TBC1D22A: variants seen among roughly 807,000 people sequenced by gnomAD.
The protein encoded by TBC1D22A is putative GTPase activator.
TBC1D22A carries 38 observed loss-of-function variants against 60.2 expected under a neutral mutation model. The observed-to-expected ratio is 0.63, with a 90% CI of 0.49 to 0.83. The LOEUF is 0.83. TBC1D22A is among the 40% of genes least tolerant of loss of function. TBC1D22A has a pLI of 0.00. For synonymous variants in TBC1D22A, 302 were observed against 281.7 expected, an observed-to-expected ratio of 1.07 and a Z score of -0.72; for missense variants, 628 against 701.0, an observed-to-expected ratio of 0.90 and a Z score of 1.18.
At position 46,913,824 on chromosome 22, in the gene TBC1D22A, C is replaced by T. The variant is rs527930093; in HGVS notation, c.1015+1636C>T. 4.4e-5 allele frequency: 41 copies of T among 934,190 alleles called. No homozygotes were observed. In the South Asian group the frequency reaches 6.9e-4, roughly 16 times the overall value. The allele number at this position is 934,190 out of a possible 1,614,324, so 57.9% of individuals were successfully genotyped here. A position where few individuals can be genotyped will look rare whatever the true frequency, so the allele number is the denominator to read the frequency against. On this transcript the variant is annotated intron_variant, in intron 8 of 12. Transcript: ENST00000337137. ...GCCAACTTCTGTTGTAAGACCTAAG[C>T]GATTCTTAATGCATTTGCCTGATTA... is the stretch of plus-strand genomic sequence containing the variant.
At chr22:46,876,760 T>C (rs918630720) in intron 4 of TBC1D22A, among the ~76,000 whole-genome samples, 2 of 152,216 alleles carry the variant, frequency 1.3e-5, no homozygotes, top group African/African-American at 4.8e-5. Context: ...GGGCTCCAAC[T>C]AGGCCCACCT....
chr22:46,968,426 C>T (rs80037902), intron 8 of TBC1D22A, among the ~76,000 whole-genome samples: 5 of 152,212 alleles, frequency 3.3e-5, no homozygotes, highest in African/African-American at 1.2e-4. Flanking sequence ...GACGTGTGCG[C>T]CCCCACGCAG....
intron 3 of TBC1D22A, among the ~76,000 whole-genome samples, chr22:46,794,418 A>G (rs975961521): frequency 2.6e-5 from 4 of 152,198 alleles, no homozygotes; most frequent in Non-Finnish European, 5.9e-5. Flanking sequence ...TGCCATGTGC[A>G]TGGCACTGGT....
intron 10 of TBC1D22A, among the ~76,000 whole-genome samples, chr22:47,013,504 C>G (rs935832737): frequency 6.6e-6 from 1 of 152,142 alleles, no homozygotes; most frequent in Non-Finnish European, 1.5e-5. Flanking sequence ...TGAAGTGATT[C>G]CCAAAGTCGT....
At chr22:46,982,319 G>A (rs1410597789) in intron 9 of TBC1D22A, among the ~76,000 whole-genome samples, 1 of 151,838 alleles carries the variant, frequency 6.6e-6, no homozygotes, top group Non-Finnish European at 1.5e-5. Context: ...TGCCTCCCGG[G>A]TTCAAGCAAT....
intron 4 of TBC1D22A, among the ~76,000 whole-genome samples, chr22:46,872,302 T>A (rs1381310121): frequency 3.9e-5 from 6 of 152,082 alleles, no homozygotes; most frequent in African/African-American, 1.2e-4. Flanking sequence ...AGTAAACACT[T>A]CTCATTTTTT....
intron 8 of TBC1D22A, chr22:46,913,447 G>C: frequency 7.4e-7 from 1 of 1,360,322 alleles, no homozygotes; most frequent in Non-Finnish European, 9.8e-7. Context: ...ACATATCCAA[G>C]TAGTGAATTT....
intron 8 of TBC1D22A, among the ~76,000 whole-genome samples, chr22:46,929,280 G>A (rs556086391): frequency 1.3e-5 from 2 of 152,284 alleles, no homozygotes; most frequent in South Asian, 4.1e-4. Context: ...GTCTTGTGAT[G>A]CATTCTTAGA....
intron 8 of TBC1D22A, among the ~76,000 whole-genome samples, chr22:46,922,905 G>A (rs1309039887): frequency 2.6e-5 from 4 of 152,118 alleles, no homozygotes; most frequent in Admixed American, 2.6e-4. Flanking sequence ...CCTATTGAAT[G>A]CCTTTTATTT....
At chr22:47,136,696 C>A (rs1291192873) in intron 12 of TBC1D22A, among the ~76,000 whole-genome samples, 1 of 152,226 alleles carries the variant, frequency 6.6e-6, no homozygotes, top group Admixed American at 6.5e-5. Flanking sequence ...TTTCAGCACT[C>A]ACCCACCCTG....
chr22:46,870,008 T>G (rs2067230270), intron 4 of TBC1D22A, among the ~76,000 whole-genome samples: 1 of 152,184 alleles, frequency 6.6e-6, no homozygotes. Flanking sequence ...GTTCACAGAG[T>G]GTGCTGAATA....
At chr22:46,884,815 G>T (rs965470066) in intron 5 of TBC1D22A, among the ~76,000 whole-genome samples, 11 of 152,196 alleles carry the variant, frequency 7.2e-5, no homozygotes, top group African/African-American at 2.7e-4. Context: ...TCAGAGAGGG[G>T]CACTGAGGCA....
intron 8 of TBC1D22A, among the ~76,000 whole-genome samples, chr22:46,960,173 G>T (rs1259559974): frequency 6.6e-6 from 1 of 152,116 alleles, no homozygotes; most frequent in African/African-American, 2.4e-5. Flanking sequence ...CAACAGGAAT[G>T]TTGTTATTAG....
intron 8 of TBC1D22A, among the ~76,000 whole-genome samples, chr22:46,925,188 A>G (rs1944335060): frequency 6.6e-6 from 1 of 152,252 alleles, no homozygotes; most frequent in South Asian, 2.1e-4. Flanking sequence ...GCTACTGCCA[A>G]ATACATCCTT....
chr22:46,899,461 A>AG (rs111778552), intron 7 of TBC1D22A, among the ~76,000 whole-genome samples: 189 of 151,054 alleles, frequency 1.3e-3, no homozygotes, highest in South Asian at 5.4e-3. Context: ...AAAAAAAAAA[A>AG]TTTGTCTTGT....
At chr22:47,154,385 G>C (rs1261046305) in intron 12 of TBC1D22A, among the ~76,000 whole-genome samples, 1 of 152,230 alleles carries the variant, frequency 6.6e-6, no homozygotes, top group Non-Finnish European at 1.5e-5. Flanking sequence ...ACTGACCGTA[G>C]CTGCAGCCTT....
At chr22:46,774,278 G>A in intron 1 of TBC1D22A, 1 of 985,320 alleles carries the variant, frequency 1.0e-6, no homozygotes, top group Non-Finnish European at 1.2e-6. Context: ...TCTCTTTGCA[G>A]ACAAGAGGCA....
chr22:47,147,336 A>G (rs5767533), intron 12 of TBC1D22A, among the ~76,000 whole-genome samples: 1 of 152,218 alleles, frequency 6.6e-6, no homozygotes, highest in Non-Finnish European at 1.5e-5. Flanking sequence ...CGTAAAAACC[A>G]TTTCTGTGAC....
At chr22:46,798,553 C>T (rs1205234454) in intron 4 of TBC1D22A, among the ~76,000 whole-genome samples, 3 of 152,272 alleles carry the variant, frequency 2.0e-5, no homozygotes, top group Non-Finnish European at 4.4e-5. Flanking sequence ...TTCAGTTCCT[C>T]TGGTGGAATT....
Sources: allele counts gnomAD v4.1 joint callset (sites outside exome capture counted in the v4.1 genomes callset), GRCh38; gene constraint gnomAD v4.1.1; transcripts MANE v1.5; gene names NCBI Gene and HGNC (gene_info 2026-07-23, HGNC 2026-07-21).